The following ITGA2B variants were observed in gnomAD, a reference collection of about 807,000 sequenced individuals.
ITGA2B encodes integrin alpha-IIb.
In ITGA2B, 91 loss-of-function variants were observed where a neutral mutation model predicts 142.0. That is an observed-to-expected ratio of 0.64 (90% CI 0.54 to 0.76). The LOEUF is 0.76. Among genes scored for constraint, ITGA2B ranks in the 30% least tolerant of loss-of-function variants. The pLI is 0.00. For synonymous variants in ITGA2B, 536 were observed against 567.2 expected (o/e 0.94, Z 0.78); for missense variants, 1,231 against 1,350.8 (o/e 0.91, Z 1.39).
At chr17:44,376,474 CAG>C in intron 22 of ITGA2B, 86 bp from the exon 23 acceptor site, 1 of 1,196,234 alleles carries the variant, frequency 8.4e-7, no homozygotes, top group South Asian at 1.2e-5. Flanking sequence ...TTAGAGAGTT[CAG>C]AGAGAGCTAA....
Position 44,376,991 on chromosome 17 carries a change from C to T in ITGA2B, c.2267+18G>A, listed in dbSNP as rs373164001. 1.5e-5 allele frequency: 23 copies of T among 1,568,688 alleles called. No homozygotes were observed. Among genetic ancestry groups the T allele is most frequent in the Admixed American group, 3.7e-5 (2 of 54,046 alleles). On this transcript the variant is annotated intron_variant, in intron 22 of 29. Coordinates refer to ENST00000262407, the MANE Select transcript of ITGA2B (RefSeq NM_000419.5). Reference sequence around the variant, plus strand: ...ACGGGGGAAGGGTGGTGGGTAGGCACGCTCGCCAGGTCAGTACCTCCGTAT... The same window carrying T: ...ACGGGGGAAGGGTGGTGGGTAGGCATGCTCGCCAGGTCAGTACCTCCGTAT...
chr17:44,385,281 C>T lies in ITGA2B; in HGVS notation c.624+5G>A, dbSNP rs373730428. 3.0e-5 allele frequency: 49 copies of T among 1,613,420 alleles called. No homozygotes were observed. Among genetic ancestry groups the T allele is most frequent in the Non-Finnish European group, 3.7e-5 (44 of 1,180,018 alleles). On this transcript the variant is annotated splice_donor_5th_base_variant and intron_variant, in intron 5 of 29. Coordinates refer to ENST00000262407, the MANE Select transcript of ITGA2B (RefSeq NM_000419.5). The stretch of plus-strand genomic sequence containing the variant: ...GCCCCCACTGCGCTTTTGCTCCCTA[C>T]TCGCCTGAGTGACCACGGAGCTGAA...
chr17:44,376,609 T>C (rs2048546724), intron 22 of ITGA2B, among the ~76,000 whole-genome samples: 1 of 152,058 alleles, frequency 6.6e-6, no homozygotes, highest in African/African-American at 2.4e-5. Context: ...ACCTTTTTTT[T>C]TTTCTTTTGA....
At chr17:44,378,087 GA>G (rs1448480903) in intron 20 of ITGA2B, among the ~76,000 whole-genome samples, 4 of 151,838 alleles carry the variant, frequency 2.6e-5, no homozygotes, top group Admixed American at 2.0e-4. Context: ...AGTCAATATT[GA>G]AAAAAAGACT....
At chr17:44,382,133 C>A (rs374031802) in intron 12 of ITGA2B, among the ~76,000 whole-genome samples, 1 of 151,240 alleles carries the variant, frequency 6.6e-6, no homozygotes, top group Non-Finnish European at 1.5e-5. Context: ...CAGTCACCCT[C>A]CCACCCCCTG....
chr17:44,375,116 G>C lies in ITGA2B; in HGVS notation c.2728-5C>G. On this transcript the variant is annotated splice_region_variant and splice_polypyrimidine_tract_variant and intron_variant, in intron 26 of 29. Coordinates refer to ENST00000262407, the MANE Select transcript of ITGA2B (RefSeq NM_000419.5). ...ACAGGGCGCCGAGTCGCAGCTCTGA[G>C]GGGAAGCATCGTCAGTCCCCAGCCC... is the stretch of plus-strand genomic sequence containing the variant. 6.5e-7 allele frequency: 1 copy of C among 1,548,260 alleles called. No homozygotes were observed. The highest frequency in any genetic ancestry group is 8.7e-7 in the Non-Finnish European group (1 of 1,146,168).
rs13306473 is a variant in ITGA2B, at chr17:44,378,412, C to T, written c.2044G>A (p.Val682Met). The T allele has an allele frequency of 1.6e-5, 26 of 1,613,304 alleles. No homozygotes were observed. The highest frequency in any genetic ancestry group is 4.5e-5 in the East Asian group (2 of 44,888). ...GEGAYEAELAVHLPQGAHYMR... is the reference protein window; with the variant it reads ...GEGAYEAELAMHLPQGAHYMR... ...TAGTGGGCGCCCTGGGGCAGGTGCA[C>T]GGCCAGCTCTGCTTCATAGGCCCCC... The change falls in exon 20 of 30, where the codon GTG becomes ATG. Residue 682 changes from valine (V) to methionine (M), a missense_variant. Physicochemically the swap from Val to Met is conservative, Grantham distance 21. Transcript: ENST00000262407.
intron 1 of ITGA2B, 141 bp from the exon 2 acceptor site, chr17:44,386,272 C>T: frequency 1.6e-6 from 2 of 1,275,840 alleles, no homozygotes; most frequent in Non-Finnish European, 1.1e-6. Context: ...CACAGACCAC[C>T]GTGATGTACT....
Position 44,385,864 on chromosome 17 carries a change from C to T in ITGA2B, c.368G>A (p.Gly123Glu). The T allele has an allele frequency of 6.2e-7, 1 of 1,605,678 alleles. No homozygotes were observed. Among genetic ancestry groups the T allele is most frequent in the Admixed American group, 1.7e-5 (1 of 58,614 alleles). ...QTLQTFKARQ[G>E]LGASVVSWSD... is the part of the protein sequence containing the mutation. Reference sequence around the variant, plus strand: ...CCAGCTGACGACCGACGCCCCCAGTCCTTGGCGGGCCTTGAAGGTTTGTAA... The same window carrying T: ...CCAGCTGACGACCGACGCCCCCAGTTCTTGGCGGGCCTTGAAGGTTTGTAA... Residue 123 changes from glycine (G) to glutamate (E), a missense_variant, in exon 3 of 30, where the codon GGA becomes GAA. Transcript: ENST00000262407.
At chr17:44,378,220 C>A in intron 20 of ITGA2B, 142 bp downstream of exon 20, 2 of 1,164,754 alleles carry the variant, frequency 1.7e-6, no homozygotes, top group Non-Finnish European at 2.3e-6. Context: ...AGTATTCCTC[C>A]TCCAAATTAA....
chr17:44,372,575 A>T (rs1352491407), intron 29 of ITGA2B, 152 bp from the exon 30 acceptor site: 1 of 650,066 alleles, frequency 1.5e-6, no homozygotes, highest in African/African-American at 1.8e-5. Flanking sequence ...TTTGACATTT[A>T]GAGATAATGC....
intron 12 of ITGA2B, among the ~76,000 whole-genome samples, chr17:44,381,392 C>A (rs916718096): frequency 1.3e-5 from 2 of 151,354 alleles, no homozygotes; most frequent in Admixed American, 1.3e-4. Flanking sequence ...TGCAGTGGTG[C>A]GATCTCGGCT....
At chr17:44,384,424 T>G in intron 8 of ITGA2B, 70 bp from the exon 9 acceptor site, 2 of 1,608,206 alleles carry the variant, frequency 1.2e-6, no homozygotes, top group South Asian at 1.1e-5. Flanking sequence ...CTCCCCGTTC[T>G]GCACCCAGGG....
chr17:44,372,924 G>C (rs1020799835), intron 29 of ITGA2B, among the ~76,000 whole-genome samples: 2 of 152,014 alleles, frequency 1.3e-5, no homozygotes, highest in African/African-American at 2.4e-5. Context: ...CCCGGCCTCT[G>C]AATTTTTCTT....
At chr17:44,372,453 T>C (rs1451915718) in intron 29 of ITGA2B, 30 bp from the exon 30 acceptor site, 9 of 1,608,626 alleles carry the variant, frequency 5.6e-6, no homozygotes, top group Non-Finnish European at 7.7e-6. Flanking sequence ...AAGGTCAGGG[T>C]ATACAGATGA....
In ITGA2B at chr17:44,389,638, T is replaced by C. The variant is rs2048681162; in HGVS notation, c.-165A>G. ...GCCCCTGGACTCATGGTGGCTAGAA[T>C]TGCCAGGAAGTGGGTGAGGCCACCC... On this transcript the variant is annotated 5_prime_UTR_variant, in exon 1 of 30. Coordinates refer to ENST00000262407, the MANE Select transcript of ITGA2B (RefSeq NM_000419.5). 2.6e-6 allele frequency: 2 copies of C among 773,810 alleles called. No individual in the cohort carries two copies. Among genetic ancestry groups the C allele is most frequent in the Admixed American group, 5.1e-5 (2 of 39,078 alleles). The allele number at this position is 773,810 out of a possible 1,614,324, so 47.9% of individuals were successfully genotyped here. A position where few individuals can be genotyped will look rare whatever the true frequency, so the allele number is the denominator to read the frequency against.
At chr17:44,372,457 C>G in intron 29 of ITGA2B, 34 bp from the exon 30 acceptor site, 3 of 1,605,836 alleles carry the variant, frequency 1.9e-6, no homozygotes, top group Non-Finnish European at 2.6e-6. Context: ...TCAGGGTATA[C>G]AGATGATTTG....
chr17:44,385,060 A>G lies in ITGA2B; in HGVS notation c.687T>C (p.Ala229=). The change falls in exon 7 of 30, where the codon GCT becomes GCC. Residue 229 remains alanine, a synonymous_variant. Coordinates refer to ENST00000262407, the MANE Select transcript of ITGA2B (RefSeq NM_000419.5). Reference sequence around the variant, plus strand: ...AACTCGAGAAAATATCCGCAACTGGAGCCTGGGCCAGGAGACCTAGGGCGG... The same window carrying G: ...AACTCGAGAAAATATCCGCAACTGGGGCCTGGGCCAGGAGACCTAGGGCGG... ...GYYFLGLLAQ[A]PVADIFSSYR... is the part of the protein sequence containing the mutation. 6.2e-7 allele frequency: 1 copy of G among 1,613,710 alleles called. No individual in the cohort carries two copies. Among genetic ancestry groups the G allele is most frequent in the Non-Finnish European group, 8.5e-7 (1 of 1,179,938 alleles).
Position 44,376,365 on chromosome 17 carries a change from C to G in ITGA2B, c.2291G>C (p.Ser764Thr). 6.2e-7 allele frequency: 1 copy of G among 1,614,174 alleles called. No individual in the cohort carries two copies. Among genetic ancestry groups the G allele is most frequent in the Non-Finnish European group, 8.5e-7 (1 of 1,180,034 alleles). The change falls in exon 23 of 30, where the codon AGC (serine) becomes ACC (threonine). Residue 764 changes from serine (S) to threonine (T), a missense_variant. By Grantham distance (58) the Ser-to-Thr change is moderately conservative (BLOSUM62 1). Around this residue, in one of 3 missense-constraint regions of ITGA2B, gnomAD observed 908 missense variants for 1,021.1 expected, o/e 0.89. Coordinates refer to ENST00000262407, the MANE Select transcript of ITGA2B (RefSeq NM_000419.5). ...IRSKNSQNPN[S>T]KIVLLDVPVR... ...CGGCACGTCCAGCAGCACAATCTTG[C>G]TGTTTGGATTCTGGCTGTTCTTGCT...
Sources: allele counts gnomAD v4.1 joint callset (sites outside exome capture counted in the v4.1 genomes callset), GRCh38; gene constraint gnomAD v4.1.1; regional missense constraint gnomAD v4.1.1; transcripts MANE v1.5; gene names NCBI Gene and HGNC (gene_info 2026-07-23, HGNC 2026-07-21).